The following PLD5 variants were observed in gnomAD, a reference collection of about 807,000 sequenced individuals.
PLD5 encodes the protein phospholipase D family member 5, also known as inactive phospholipase D5.
PLD5 carries 36 observed loss-of-function variants against 61.1 expected under a neutral mutation model. That is an observed-to-expected ratio of 0.59 (90% CI 0.45 to 0.78). The LOEUF is 0.78. Ranked by LOEUF, PLD5 falls within the 30% of genes least tolerant of loss-of-function variation. The pLI is 0.00. For synonymous variants in PLD5, 243 were observed against 242.8 expected, an observed-to-expected ratio of 1.00 and a Z score of -0.01; for missense variants, 515 against 644.4, an observed-to-expected ratio of 0.80 and a Z score of 2.17.
Position 242,295,763 on chromosome 1 carries a change from G to A in PLD5, c.327-7233C>T, listed in dbSNP as rs570760500. On this transcript the variant is annotated intron_variant, in intron 2 of 9. Coordinates refer to ENST00000536534, the MANE Select transcript of PLD5 (RefSeq NM_001372062.1). ...ACTACTCTACATTCCCACCAACAGC[G>A]TGTAAGCATTTCCTTTTCTCTACAT... Among the ~76,000 whole-genome samples, 46 of 152,276 alleles carry A rather than the reference G, an allele frequency of 3.0e-4. No individual in the cohort carries two copies. In the East Asian group the frequency reaches 4.8e-3, roughly 16 times the overall value.
At chr1:242,128,598 G>T (rs779996436) in intron 5 of PLD5, among the ~76,000 whole-genome samples, 7 of 152,218 alleles carry the variant, frequency 4.6e-5, no homozygotes, top group Admixed American at 1.3e-4. Context: ...CCAATCTGAA[G>T]AAAGACAACT....
intron 1 of PLD5, among the ~76,000 whole-genome samples, chr1:242,436,663 A>G (rs568773740): frequency 2.6e-5 from 4 of 152,338 alleles, no homozygotes; most frequent in African/African-American, 9.6e-5. Context: ...CTAAGTTTTT[A>G]GAATACACTC....
At chr1:242,427,040 C>T (rs1009580035) in intron 1 of PLD5, among the ~76,000 whole-genome samples, 2 of 152,162 alleles carry the variant, frequency 1.3e-5, no homozygotes, top group African/African-American at 4.8e-5. Flanking sequence ...AGCCTAAGTT[C>T]CTGAATCACC....
intron 1 of PLD5, among the ~76,000 whole-genome samples, chr1:242,452,010 T>A (rs1666798157): frequency 6.6e-6 from 1 of 152,116 alleles, no homozygotes; most frequent in Non-Finnish European, 1.5e-5. Context: ...CCACGGGGGC[T>A]TCGGCTCAGT....
intron 1 of PLD5, among the ~76,000 whole-genome samples, chr1:242,492,522 CAAA>C (rs35988130): frequency 1.6e-5 from 2 of 122,430 alleles, no homozygotes. Context: ...AACTCCGTCT[CAAA>C]AAAAAAAAAA....
chr1:242,409,741 G>A (rs995806758), intron 1 of PLD5, among the ~76,000 whole-genome samples: 2 of 152,120 alleles, frequency 1.3e-5, no homozygotes, highest in African/African-American at 2.4e-5. Flanking sequence ...CATTTATGTA[G>A]CCCATGAAAA....
intron 5 of PLD5, among the ~76,000 whole-genome samples, chr1:242,141,735 T>C (rs779067755): frequency 1.1e-4 from 17 of 152,062 alleles, no homozygotes; most frequent in Non-Finnish European, 2.1e-4. Flanking sequence ...TCTGCAGAAA[T>C]TTTGGAGAAG....
chr1:242,451,041 C>T (rs907202733), intron 1 of PLD5, among the ~76,000 whole-genome samples: 1 of 152,202 alleles, frequency 6.6e-6, no homozygotes, highest in Non-Finnish European at 1.5e-5. Flanking sequence ...CACTCAGCCA[C>T]ATCGTTTTGA....
Position 242,087,213 on chromosome 1 carries a change from C to T in PLD5, c.*2641G>A, listed in dbSNP as rs1659516907. ...GCCCCATGGAGTCACCACCGCTGCC[C>T]AGACTCCCCTGATTAGGGGCTTGCT... On this transcript the variant is annotated 3_prime_UTR_variant, in exon 10 of 10. Transcript: ENST00000536534. 1 of 152,176 alleles carries T rather than the reference C, an allele frequency of 6.6e-6. No homozygotes were observed. Among genetic ancestry groups the T allele is most frequent in the South Asian group, 2.1e-4 (1 of 4,820 alleles). 9.4% of individuals were successfully genotyped at this position (152,176 alleles called of 1,614,324 possible).
upstream of PLD5, among the ~76,000 whole-genome samples, chr1:242,525,019 G>T (rs1187416501): frequency 6.6e-6 from 1 of 152,092 alleles, no homozygotes; most frequent in Non-Finnish European, 1.5e-5. Flanking sequence ...AACCACCTCC[G>T]CCCTTCCCCC....
intron 1 of PLD5, among the ~76,000 whole-genome samples, chr1:242,413,307 CTCT>C (rs1046854629): frequency 6.6e-5 from 10 of 151,500 alleles, no homozygotes; most frequent in African/African-American, 2.4e-4. Flanking sequence ...GTCATGATCT[CTCT>C]TTTTTTTTTT....
chr1:242,413,672 A>G (rs886922460), intron 1 of PLD5, among the ~76,000 whole-genome samples: 7 of 152,210 alleles, frequency 4.6e-5, no homozygotes, highest in African/African-American at 1.7e-4. Flanking sequence ...GTTGATGTGC[A>G]GACAGCATCA....
At chr1:242,096,148 T>C (rs2148657872) in intron 9 of PLD5, among the ~76,000 whole-genome samples, 1 of 151,856 alleles carries the variant, frequency 6.6e-6, no homozygotes, top group Non-Finnish European at 1.5e-5. Context: ...TTAGTAGAGA[T>C]GGGGTTTCAC....
intron 1 of PLD5, chr1:242,449,266 G>A: frequency 6.7e-7 from 1 of 1,495,110 alleles, no homozygotes; most frequent in Non-Finnish European, 9.0e-7. Context: ...TCAGTCTCAT[G>A]CTACCAACAG....
At chr1:242,379,775 C>T (rs1393354961) in intron 1 of PLD5, among the ~76,000 whole-genome samples, 1 of 152,092 alleles carries the variant, frequency 6.6e-6, no homozygotes, top group Non-Finnish European at 1.5e-5. Flanking sequence ...CGTCCCAATC[C>T]ACTTTTTACT....
chr1:242,336,302 A>T (rs6678894), intron 2 of PLD5, among the ~76,000 whole-genome samples: 127,939 of 150,358 alleles, frequency 0.85, 55,392 homozygotes, highest in Non-Finnish European at 0.94. Context: ...CATTTCTAGG[A>T]ATTTAAAGAT....
chr1:242,272,144 T>A (rs943183001), intron 3 of PLD5, among the ~76,000 whole-genome samples: 7 of 151,978 alleles, frequency 4.6e-5, no homozygotes, highest in Admixed American at 2.6e-4. Context: ...AAAATGGAGG[T>A]GAGCTTTAAG....
intron 9 of PLD5, among the ~76,000 whole-genome samples, chr1:242,096,282 C>CA (rs1404109751): frequency 6.6e-6 from 1 of 151,514 alleles, no homozygotes; most frequent in Non-Finnish European, 1.5e-5. Flanking sequence ...GGAGCACCAC[C>CA]AGAAGGTCAG....
chr1:242,290,896 A>T (rs1675319251), intron 2 of PLD5, among the ~76,000 whole-genome samples: 1 of 151,262 alleles, frequency 6.6e-6, no homozygotes, highest in African/African-American at 2.4e-5. Flanking sequence ...TTAATCTTTT[A>T]AAAATGTGAA....
Sources: gnomAD v4.1 joint callset for allele counts (sites outside exome capture counted in the v4.1 genomes callset) on GRCh38, gnomAD v4.1.1 for gene constraint, MANE v1.5 for transcripts, NCBI Gene and HGNC (gene_info 2026-07-23, HGNC 2026-07-21) for gene names.